The following CPS1 variants were observed in gnomAD, a reference collection of about 807,000 sequenced individuals.
CPS1 encodes carbamoyl-phosphate synthase [ammonia], mitochondrial.
CPS1 carries 109 observed loss-of-function variants against 174.6 expected under a neutral mutation model. The ratio of observed to expected loss-of-function variants is 0.62; its 90% CI spans 0.53 to 0.73. The LOEUF is 0.73. Among genes scored for constraint, CPS1 ranks in the 30% least tolerant of loss-of-function variants. CPS1 has a pLI of 0.00. For synonymous variants in CPS1, 637 were observed against 632.0 expected (o/e 1.01, Z -0.12); for missense variants, 1,689 against 1,821.9 (o/e 0.93, Z 1.33).
intron 6 of CPS1, among the ~76,000 whole-genome samples, chr2:210,584,201 T>C (rs185489062): frequency 2.2e-4 from 34 of 152,232 alleles, no homozygotes; most frequent in African/African-American, 6.7e-4. Flanking sequence ...GACTATGTAT[T>C]TGGTTACCAT....
At chr2:210,576,075 G>A (rs1697698830) in intron 2 of CPS1, among the ~76,000 whole-genome samples, 2 of 151,680 alleles carry the variant, frequency 1.3e-5, no homozygotes, top group African/African-American at 4.8e-5. Flanking sequence ...GATTTTTAAA[G>A]GAATTAAAAA....
At chr2:210,499,732 G>C (rs991047735) in intron 1 of CPS1, among the ~76,000 whole-genome samples, 2 of 152,132 alleles carry the variant, frequency 1.3e-5, no homozygotes, top group Admixed American at 6.5e-5. Context: ...AGCCTAGGTT[G>C]CTGGGATCCC....
At chr2:210,514,742 A>G in intron 1 of CPS1, among the ~76,000 whole-genome samples, 1 of 148,856 alleles carries the variant, frequency 6.7e-6, no homozygotes, top group Non-Finnish European at 1.5e-5. Context: ...GAGTGGTAAG[A>G]ATAGGCATCC....
chr2:210,618,869 T>C (rs1239643189), intron 21 of CPS1: 2 of 152,132 alleles, frequency 1.3e-5, no homozygotes, highest in Non-Finnish European at 2.9e-5. Flanking sequence ...TAATGACCTA[T>C]AGCTGACTTA....
intron 9 of CPS1, among the ~76,000 whole-genome samples, 191 bp from the exon 10 acceptor site, chr2:210,591,640 C>T (rs1698301173): frequency 6.6e-6 from 1 of 151,988 alleles, no homozygotes; most frequent in South Asian, 2.1e-4. Context: ...ACAAAGCTTC[C>T]TGAATTGATT....
intron 1 of CPS1, among the ~76,000 whole-genome samples, chr2:210,527,921 G>A (rs374626900): frequency 6.6e-6 from 1 of 151,896 alleles, no homozygotes; most frequent in African/African-American, 2.4e-5. Flanking sequence ...TATTTTCCTT[G>A]TGAATTCATG....
chr2:210,563,035 A>T (rs982966039), intron 1 of CPS1, among the ~76,000 whole-genome samples: 12 of 152,154 alleles, frequency 7.9e-5, no homozygotes, highest in Non-Finnish European at 1.2e-4. Context: ...GGACACATGG[A>T]TGCCTGTTTT....
chr2:210,594,249 C>T (rs1698405144), intron 11 of CPS1, among the ~76,000 whole-genome samples: 1 of 151,836 alleles, frequency 6.6e-6, no homozygotes, highest in South Asian at 2.1e-4. Context: ...TTGGCATTCT[C>T]AGAAGGTATC....
At chr2:210,539,556 T>C (rs1200151823) in intron 1 of CPS1, among the ~76,000 whole-genome samples, 1 of 152,186 alleles carries the variant, frequency 6.6e-6, no homozygotes, top group African/African-American at 2.4e-5. Flanking sequence ...TTGTTCCACT[T>C]TTCCAAGTTT....
chr2:210,527,408 C>A (rs1251437533), intron 1 of CPS1, among the ~76,000 whole-genome samples: 1 of 151,904 alleles, frequency 6.6e-6, no homozygotes, highest in Admixed American at 6.6e-5. Flanking sequence ...TCTAGTGGTT[C>A]CTGATGTCAC....
intron 1 of CPS1, among the ~76,000 whole-genome samples, chr2:210,533,311 CAAT>C (rs1043351040): frequency 6.6e-6 from 1 of 152,100 alleles, no homozygotes; most frequent in Non-Finnish European, 1.5e-5. Context: ...AAAATAACAA[CAAT>C]AACAGCAAAC....
chr2:210,519,977 A>G (rs1250553816), intron 1 of CPS1, among the ~76,000 whole-genome samples: 1 of 151,956 alleles, frequency 6.6e-6, no homozygotes, highest in Non-Finnish European at 1.5e-5. Flanking sequence ...CTATATGCTT[A>G]TTGTTATATT....
chr2:210,505,443 T>C (rs1014976067), intron 1 of CPS1, among the ~76,000 whole-genome samples: 1 of 151,992 alleles, frequency 6.6e-6, no homozygotes, highest in Admixed American at 6.5e-5. Context: ...ACAGCTCCAG[T>C]CTACTGCTCC....
rs1303966290 is a variant in CPS1 at position 210,492,982 on chromosome 2, C to G, written c.3+15216C>G. 3.9e-5 allele frequency among the ~76,000 whole-genome samples: 6 copies of G among 152,190 alleles called. No homozygotes were observed. The East Asian group carries it at 1.2e-3, about 29-fold the overall frequency. On this transcript the variant is annotated intron_variant, in intron 1 of 38. Transcript: ENST00000430249. Reference sequence around the variant, plus strand: ...TAGATTTTCAAGACGTCTGCAACAACTGCAATAATAAATAAAAGTATCTAT... The same window carrying G: ...TAGATTTTCAAGACGTCTGCAACAAGTGCAATAATAAATAAAAGTATCTAT...
At chr2:210,496,869 C>T (rs1261067566) in intron 1 of CPS1, among the ~76,000 whole-genome samples, 9 of 152,136 alleles carry the variant, frequency 5.9e-5, no homozygotes, top group Non-Finnish European at 1.2e-4. Context: ...ACTTTTTCTT[C>T]GCTACTTTAT....
chr2:210,638,118 A>G (rs1700094497), intron 22 of CPS1, among the ~76,000 whole-genome samples: 1 of 152,000 alleles, frequency 6.6e-6, no homozygotes, highest in Admixed American at 6.6e-5. Context: ...AAAAATTTAA[A>G]CTCTCCTCTG....
rs1418637534 is a variant in CPS1 at position 210,637,578 on chromosome 2, A to G, written c.2688-124A>G. The stretch of plus-strand genomic sequence containing the variant: ...GTTATTTGTGTATTTTTAAAAGATA[A>G]CAAGACTTAAATATGTTTGAAGGTG... On this transcript the variant is annotated intron_variant, in intron 21 of 37. Coordinates refer to ENST00000233072, the MANE Select transcript of CPS1 (RefSeq NM_001875.5). 4.0e-6 allele frequency: 4 copies of G among 1,011,548 alleles called. No individual in the cohort carries two copies. The East Asian group carries it at 7.2e-5, about 18-fold the overall frequency. 62.7% of individuals were successfully genotyped at this position (1,011,548 alleles called of 1,614,324 possible). A position where few individuals can be genotyped will look rare whatever the true frequency, so the allele number is the denominator to read the frequency against.
At chr2:210,605,045 C>T (rs1211501123) in intron 16 of CPS1, 57 bp from the exon 17 acceptor site, 3 of 1,603,286 alleles carry the variant, frequency 1.9e-6, no homozygotes, top group Non-Finnish European at 2.6e-6. Flanking sequence ...GCCAAATATC[C>T]TTGTTGAAGC....
intron 1 of CPS1, among the ~76,000 whole-genome samples, chr2:210,543,582 T>C (rs768726067): frequency 1.3e-5 from 2 of 152,114 alleles, no homozygotes; most frequent in African/African-American, 2.4e-5. Flanking sequence ...CCACTATTAT[T>C]TTCTAGCAAA....
Sources: gnomAD v4.1 joint callset for allele counts (sites outside exome capture counted in the v4.1 genomes callset) on GRCh38, gnomAD v4.1.1 for gene constraint, MANE v1.5 for transcripts, NCBI Gene and HGNC (gene_info 2026-07-23, HGNC 2026-07-21) for gene names.